Variants in TRIM9 observed in about 807,000 individuals in gnomAD.
TRIM9 encodes the protein E3 ubiquitin-protein ligase TRIM9.
Under a neutral mutation model 78.3 loss-of-function variants are expected in TRIM9, and 26 were observed. The observed-to-expected ratio is 0.33, with a 90% CI of 0.24 to 0.46. TRIM9 has a LOEUF of 0.46. Ranked by LOEUF, TRIM9 falls within the 20% of genes least tolerant of loss-of-function variation. TRIM9 has a pLI of 1.00. For synonymous variants in TRIM9, 398 were observed against 416.5 expected (o/e 0.96, Z 0.54); for missense variants, 787 against 1,036.4 (o/e 0.76, Z 3.30).
At chr14:51,012,169 C>G (rs1340507496) in intron 3 of TRIM9, among the ~76,000 whole-genome samples, 1 of 152,186 alleles carries the variant, frequency 6.6e-6, no homozygotes, top group Non-Finnish European at 1.5e-5. Flanking sequence ...CACCACCATC[C>G]ATCTCCAGAA....
chr14:51,050,268 G>A (rs372624818), intron 1 of TRIM9, among the ~76,000 whole-genome samples: 1 of 152,104 alleles, frequency 6.6e-6, no homozygotes, highest in African/African-American at 2.4e-5. Flanking sequence ...TTGTGGGAGG[G>A]ACCTGGTGGG....
chr14:51,028,010 A>G (rs768171113), intron 1 of TRIM9, among the ~76,000 whole-genome samples: 13 of 152,214 alleles, frequency 8.5e-5, no homozygotes, highest in Non-Finnish European at 1.9e-4. Flanking sequence ...CTTGCAATTA[A>G]TTGTGTCTGT....
intron 1 of TRIM9, among the ~76,000 whole-genome samples, chr14:51,087,549 TC>T (rs1342630870): frequency 6.6e-6 from 1 of 152,214 alleles, no homozygotes; most frequent in Non-Finnish European, 1.5e-5. Flanking sequence ...CTTTGAGATG[TC>T]CTTTGGGCTG....
intron 3 of TRIM9, 114 bp downstream of exon 3, chr14:51,022,721 G>A (rs1315239644): frequency 6.7e-7 from 1 of 1,502,624 alleles, no homozygotes; most frequent in East Asian, 2.3e-5. Flanking sequence ...GCTACCCAAG[G>A]CTGTGGGCAT....
intron 5 of TRIM9, among the ~76,000 whole-genome samples, chr14:51,006,945 TC>T (rs1156239968): frequency 1.3e-5 from 2 of 152,304 alleles, no homozygotes; most frequent in East Asian, 3.9e-4. Context: ...AACTCGCAGT[TC>T]CCATACCCAG....
At chr14:51,079,370 T>C (rs2063099188) in intron 1 of TRIM9, among the ~76,000 whole-genome samples, 1 of 152,242 alleles carries the variant, frequency 6.6e-6, no homozygotes, top group Non-Finnish European at 1.5e-5. Flanking sequence ...AATTATTCTT[T>C]ACTTCCTGCC....
rs1288968734 is a variant in TRIM9, at chr14:50,976,482, G to A, written c.*809C>T. On this transcript the variant is annotated 3_prime_UTR_variant, in exon 13 of 13. Coordinates refer to ENST00000684578, the MANE Select transcript of TRIM9 (RefSeq NM_001387360.1). ...CTGTTCACCACTGTGTCCCCACAGT[G>A]TCTAGAACATAATGTTCTAGTGTCT... The A allele has an allele frequency of 6.6e-6, 1 of 152,256 alleles. No homozygotes were observed. The highest frequency in any genetic ancestry group is 1.5e-5 in the Non-Finnish European group (1 of 68,040). The allele number at this position is 152,256 out of a possible 1,614,324, so 9.4% of individuals were successfully genotyped here.
Position 50,986,156 on chromosome 14 carries a change from A to G in TRIM9, c.1604-12T>C. ...TTCTGAATCTGTGTCTAAATGTAAG[A>G]TCAATGCAAACTAGAGATCAGAAGT... On this transcript the variant is annotated splice_polypyrimidine_tract_variant and intron_variant, in intron 7 of 12. Transcript: ENST00000684578. The G allele has an allele frequency of 6.7e-7, 1 of 1,493,276 alleles. No individual in the cohort carries two copies. The highest frequency in any genetic ancestry group is 9.0e-7 in the Non-Finnish European group (1 of 1,117,154). The allele number at this position is 1,493,276 out of a possible 1,614,324, so 92.5% of individuals were successfully genotyped here. A position where few individuals can be genotyped will look rare whatever the true frequency, so the allele number is the denominator to read the frequency against.
chr14:51,008,622 TCTGC>T (rs2056154546), intron 5 of TRIM9, among the ~76,000 whole-genome samples: 1 of 152,248 alleles, frequency 6.6e-6, no homozygotes, highest in Non-Finnish European at 1.5e-5. Flanking sequence ...CTTGCATTTT[TCTGC>T]CAGTATTGGC....
intron 1 of TRIM9, among the ~76,000 whole-genome samples, chr14:51,078,119 C>T (rs1030647136): frequency 3.9e-5 from 6 of 152,164 alleles, no homozygotes. Context: ...ACAGTAAGGG[C>T]CTCACTCAGC....
intron 2 of TRIM9, 73 bp from the exon 3 acceptor site, chr14:51,023,030 C>T: frequency 1.3e-6 from 2 of 1,592,642 alleles, no homozygotes; most frequent in Non-Finnish European, 1.7e-6. Flanking sequence ...CAGAGCTCCC[C>T]CATCCTGCTG....
chr14:51,024,492 G>C (rs1057513033), intron 2 of TRIM9, among the ~76,000 whole-genome samples: 1 of 152,216 alleles, frequency 6.6e-6, no homozygotes, highest in Admixed American at 6.5e-5. Flanking sequence ...CTGGAGGCCA[G>C]AACTAAGGTT....
intron 1 of TRIM9, among the ~76,000 whole-genome samples, chr14:51,043,264 G>A (rs1343836736): frequency 6.6e-6 from 1 of 152,238 alleles, no homozygotes; most frequent in Non-Finnish European, 1.5e-5. Context: ...AATGGGGAAG[G>A]AAAGAAAGCT....
At chr14:51,003,438 A>G (rs2055349262) in intron 5 of TRIM9, among the ~76,000 whole-genome samples, 1 of 152,190 alleles carries the variant, frequency 6.6e-6, no homozygotes. Flanking sequence ...CATTTCATCA[A>G]TTACAAAAAT....
chr14:51,017,341 C>A (rs552515289), intron 3 of TRIM9, among the ~76,000 whole-genome samples: 3 of 152,254 alleles, frequency 2.0e-5, no homozygotes, highest in African/African-American at 7.2e-5. Flanking sequence ...AGAAAAGGAT[C>A]ATTTAGGCCT....
chr14:51,017,368 C>A (rs1163868155), intron 3 of TRIM9, among the ~76,000 whole-genome samples: 4 of 152,162 alleles, frequency 2.6e-5, no homozygotes, highest in Admixed American at 6.5e-5. Context: ...AAAACACACA[C>A]CTGTTTTTAG....
chr14:51,083,014 G>A (rs1335547280), intron 1 of TRIM9, among the ~76,000 whole-genome samples: 1 of 152,148 alleles, frequency 6.6e-6, no homozygotes, highest in Non-Finnish European at 1.5e-5. Context: ...AATGAGAATA[G>A]TAATGGTTCT....
intron 1 of TRIM9, among the ~76,000 whole-genome samples, chr14:51,056,987 G>A (rs1158438221): frequency 6.6e-6 from 1 of 152,106 alleles, no homozygotes; most frequent in Non-Finnish European, 1.5e-5. Flanking sequence ...CTGCCCATCA[G>A]AAAAAAGAAT....
intron 7 of TRIM9, among the ~76,000 whole-genome samples, chr14:50,991,698 A>T (rs181633691): frequency 1.9e-4 from 29 of 152,324 alleles, no homozygotes; most frequent in Non-Finnish European, 4.3e-4. Context: ...GCATTTTCTG[A>T]AACAACTTTC....
Sources: allele counts gnomAD v4.1 joint callset (sites outside exome capture counted in the v4.1 genomes callset), GRCh38; gene constraint gnomAD v4.1.1; transcripts MANE v1.5; gene names NCBI Gene and HGNC (gene_info 2026-07-23, HGNC 2026-07-21).